Variants in NAALADL2 observed in about 807,000 individuals in gnomAD.
NAALADL2 encodes inactive N-acetylated-alpha-linked acidic dipeptidase-like protein 2.
NAALADL2 carries 76 observed loss-of-function variants against 87.2 expected under a neutral mutation model. That is an observed-to-expected ratio of 0.87 (90% CI 0.72 to 1.05). NAALADL2 has a LOEUF of 1.05. Ranked by LOEUF, NAALADL2 falls within the 50% of genes least tolerant of loss-of-function variation. The pLI is 0.00. For missense variants in NAALADL2, 1,089 were observed against 945.8 expected, an observed-to-expected ratio of 1.15 and a Z score of -1.99; for synonymous variants, 354 against 331.0, an observed-to-expected ratio of 1.07 and a Z score of -0.75.
At chr3:175,537,561 C>T (rs1482813250) in intron 9 of NAALADL2, among the ~76,000 whole-genome samples, 1 of 152,096 alleles carries the variant, frequency 6.6e-6, no homozygotes. Flanking sequence ...TTTCAAAGTA[C>T]CATATAACCA....
intron 5 of NAALADL2, among the ~76,000 whole-genome samples, chr3:175,419,420 T>G (rs979107154): frequency 2.6e-5 from 4 of 151,806 alleles, no homozygotes; most frequent in Admixed American, 6.6e-5. Context: ...TAGCAAAAAA[T>G]TATTATAAGC....
intron 1 of NAALADL2, among the ~76,000 whole-genome samples, chr3:175,077,078 G>GAA (rs372684561): frequency 6.6e-6 from 1 of 151,916 alleles, no homozygotes; most frequent in African/African-American, 2.4e-5. Context: ...GTGTTCAATA[G>GAA]AAAAAAAATG....
chr3:175,651,410 A>G (rs1730745879), intron 11 of NAALADL2, among the ~76,000 whole-genome samples: 1 of 152,172 alleles, frequency 6.6e-6, no homozygotes, highest in Non-Finnish European at 1.5e-5. Context: ...AAATGATACA[A>G]TCTACTAACA....
chr3:175,797,025 C>G (rs1300565255), intron 13 of NAALADL2, among the ~76,000 whole-genome samples: 1 of 151,834 alleles, frequency 6.6e-6, no homozygotes, highest in African/African-American at 2.4e-5. Flanking sequence ...ATCTCCTTCA[C>G]TGATACCACC....
At chr3:174,825,807 A>T (rs554598288) in intron 3 of NAALADL2, among the ~76,000 whole-genome samples, 2 of 152,036 alleles carry the variant, frequency 1.3e-5, no homozygotes, top group African/African-American at 4.8e-5. Flanking sequence ...GTGGGCAGAT[A>T]ACGAGGTCAG....
At chr3:175,200,956 C>A (rs533766574) in intron 2 of NAALADL2, among the ~76,000 whole-genome samples, 1 of 152,206 alleles carries the variant, frequency 6.6e-6, no homozygotes, top group East Asian at 1.9e-4. Context: ...AGTATTTTTC[C>A]CTTGACTCTT....
intron 5 of NAALADL2, among the ~76,000 whole-genome samples, chr3:175,395,918 T>A (rs1769718677): frequency 6.6e-6 from 1 of 152,190 alleles, no homozygotes; most frequent in African/African-American, 2.4e-5. Context: ...CTGCTTCTCT[T>A]CTAGTTCCTT....
At chr3:174,652,610 C>T (rs569621303) in intron 2 of NAALADL2, among the ~76,000 whole-genome samples, 35 of 152,100 alleles carry the variant, frequency 2.3e-4, no homozygotes, top group Middle Eastern at 6.8e-3. Context: ...GGGAAAAACC[C>T]GCTCCCATGA....
chr3:174,609,663 G>A (rs1479155961), intron 2 of NAALADL2, among the ~76,000 whole-genome samples: 2 of 152,110 alleles, frequency 1.3e-5, no homozygotes, highest in Non-Finnish European at 2.9e-5. Flanking sequence ...TGAAATAAAA[G>A]AGTATACAAA....
intron 2 of NAALADL2, among the ~76,000 whole-genome samples, chr3:175,107,634 C>G (rs1335102378): frequency 6.6e-6 from 1 of 151,594 alleles, no homozygotes; most frequent in Admixed American, 6.6e-5. Context: ...AAAATGGTTG[C>G]AGTTGTAAAA....
chr3:175,744,052 C>T (rs1583083950), intron 12 of NAALADL2, among the ~76,000 whole-genome samples: 1 of 152,124 alleles, frequency 6.6e-6, no homozygotes, highest in East Asian at 1.9e-4. Flanking sequence ...AGCACTGCTG[C>T]CTACGACAGC....
intron 5 of NAALADL2, among the ~76,000 whole-genome samples, chr3:175,349,033 A>G (rs1225164996): frequency 6.6e-6 from 1 of 152,072 alleles, no homozygotes; most frequent in African/African-American, 2.4e-5. Context: ...ACACACATAC[A>G]TAGTTGAGTT....
rs543241366 is a variant in NAALADL2, at chr3:175,724,838, C to A, written c.1897-12468C>A. 4.0e-5 allele frequency among the ~76,000 whole-genome samples: 6 copies of A among 151,660 alleles called. No homozygotes were observed. The East Asian group carries it at 9.7e-4, about 24-fold the overall frequency. On this transcript the variant is annotated intron_variant, in intron 11 of 13. Coordinates refer to ENST00000454872, the MANE Select transcript of NAALADL2 (RefSeq NM_207015.3). ...TATTTTTTAAAAAACAGAATTATAC[C>A]AGATATCCAAATCTATAATAAAACA...
At position 174,535,934 on chromosome 3, in the gene NAALADL2, C is replaced by T. The variant is rs768271513; in HGVS notation, c.-183-14635C>T. 4.0e-5 allele frequency among the ~76,000 whole-genome samples: 6 copies of T among 151,846 alleles called. 1 individual carries two copies. Among genetic ancestry groups the T allele is most frequent in the South Asian group, 4.1e-4 (2 of 4,820 alleles). On this transcript the variant is annotated intron_variant, in intron 1 of 3. Coordinates refer to the NAALADL2 transcript ENST00000434257. ...AAACACTTAACATCTGATCAAAGAA[C>T]GATTGAATGAAAAAATGAATTCAAT...
intron 1 of NAALADL2, among the ~76,000 whole-genome samples, chr3:174,880,209 A>T (rs904606720): frequency 6.6e-6 from 1 of 152,044 alleles, no homozygotes; most frequent in Non-Finnish European, 1.5e-5. Flanking sequence ...TACTCAACGT[A>T]TCTACCTGGG....
At chr3:175,575,896 G>C in intron 9 of NAALADL2, 145 bp from the exon 10 acceptor site, 2 of 618,584 alleles carry the variant, frequency 3.2e-6, no homozygotes, top group Non-Finnish European at 5.5e-6. Flanking sequence ...AGGTAGGACA[G>C]TGTGGGGCCT....
At chr3:175,213,680 T>C (rs1245666515) in intron 2 of NAALADL2, among the ~76,000 whole-genome samples, 1 of 152,150 alleles carries the variant, frequency 6.6e-6, no homozygotes, top group Non-Finnish European at 1.5e-5. Context: ...GCTAAGTCCT[T>C]TATAGGAATT....
chr3:175,560,966 A>C (rs1276710121), intron 9 of NAALADL2, among the ~76,000 whole-genome samples: 2 of 152,202 alleles, frequency 1.3e-5, no homozygotes, highest in East Asian at 3.9e-4. Context: ...TCAAAAAGGA[A>C]AGTAAGGCGA....
chr3:174,758,678 G>C (rs1436153635), intron 3 of NAALADL2, among the ~76,000 whole-genome samples: 1 of 152,162 alleles, frequency 6.6e-6, no homozygotes, highest in African/African-American at 2.4e-5. Context: ...AAGGAAACCT[G>C]TCCAGGAATA....
Sources: allele counts gnomAD v4.1 joint callset (sites outside exome capture counted in the v4.1 genomes callset), GRCh38; gene constraint gnomAD v4.1.1; transcripts MANE v1.5; gene names NCBI Gene and HGNC (gene_info 2026-07-23, HGNC 2026-07-21).